Variants in RYR2 observed in about 807,000 individuals in gnomAD.
RYR2 encodes cardiac muscle ryanodine receptor-calcium release channel.
Under a neutral mutation model 601.1 loss-of-function variants are expected in RYR2, and 227 were observed. The observed-to-expected ratio is 0.38, with a 90% CI of 0.34 to 0.42. The LOEUF (loss-of-function observed/expected upper bound fraction) is 0.42, where lower values mean the gene tolerates loss of function less well. Among genes scored for constraint, RYR2 ranks in the 10% least tolerant of loss-of-function variants. The pLI is 1.00. For synonymous variants in RYR2, 2,223 were observed against 2,175.1 expected, an observed-to-expected ratio of 1.02 and a Z score of -0.61; for missense variants, 4,646 against 6,156.5, an observed-to-expected ratio of 0.75 and a Z score of 8.21.
At chr1:237,763,251 A>G (rs562819434) in intron 84 of RYR2, among the ~76,000 whole-genome samples, 3 of 152,308 alleles carry the variant, frequency 2.0e-5, no homozygotes, top group South Asian at 2.1e-4. Flanking sequence ...TGTTGTGTCA[A>G]TGAATGATCC....
At chr1:237,451,028 T>C (rs745945270) in intron 14 of RYR2, among the ~76,000 whole-genome samples, 25 of 137,920 alleles carry the variant, frequency 1.8e-4, no homozygotes, top group Non-Finnish European at 3.9e-4. Flanking sequence ...TATCCAGTAA[T>C]CATGTTTCTA....
chr1:237,658,338 A>T (rs2148833375), intron 54 of RYR2, among the ~76,000 whole-genome samples: 1 of 152,190 alleles, frequency 6.6e-6, no homozygotes. Flanking sequence ...CTTCAGGAGG[A>T]AATGATGACT....
At chr1:237,746,061 C>A (rs115649793) in intron 80 of RYR2, among the ~76,000 whole-genome samples, 5,600 of 152,040 alleles carry the variant, frequency 0.037, 340 homozygotes, top group African/African-American at 0.13. Context: ...ATAATTAATT[C>A]CCTATAAAGA....
intron 1 of RYR2, among the ~76,000 whole-genome samples, chr1:237,072,960 A>C (rs1481226751): frequency 2.0e-5 from 3 of 151,210 alleles, no homozygotes; most frequent in South Asian, 4.3e-4. Context: ...AAAAAAAAAA[A>C]AAAACAAAAA....
intron 1 of RYR2, among the ~76,000 whole-genome samples, chr1:237,073,695 C>A (rs12023598): frequency 6.6e-6 from 1 of 151,876 alleles, no homozygotes; most frequent in African/African-American, 2.4e-5. Context: ...CATGGCAAAA[C>A]CCCGTCTTCA....
chr1:237,789,400 A>G (rs188858602), intron 92 of RYR2, among the ~76,000 whole-genome samples: 98 of 152,326 alleles, frequency 6.4e-4, no homozygotes, highest in South Asian at 1.4e-3. Context: ...TTCCTAAACC[A>G]TCTTGTATTT....
intron 79 of RYR2, among the ~76,000 whole-genome samples, chr1:237,736,727 A>G (rs894367751): frequency 2.0e-5 from 3 of 152,190 alleles, no homozygotes; most frequent in Non-Finnish European, 4.4e-5. Flanking sequence ...CACATGGGCT[A>G]GAAATTAAAA....
chr1:237,192,463 C>T (rs1054199690), intron 1 of RYR2, among the ~76,000 whole-genome samples: 13 of 152,356 alleles, frequency 8.5e-5, no homozygotes, highest in Admixed American at 8.5e-4. Context: ...GATCCACCGG[C>T]CTCGGCCTCC....
chr1:237,408,527 C>T (rs745403291), intron 10 of RYR2, among the ~76,000 whole-genome samples: 1 of 151,738 alleles, frequency 6.6e-6, no homozygotes, highest in Non-Finnish European at 1.5e-5. Flanking sequence ...TATTCTGTTC[C>T]ACTGACCTGT....
intron 101 of RYR2, among the ~76,000 whole-genome samples, chr1:237,820,472 G>T (rs1662354578): frequency 2.6e-5 from 4 of 152,136 alleles, no homozygotes; most frequent in Non-Finnish European, 4.4e-5. Flanking sequence ...ACTGTACCAG[G>T]AGGAATTGTG....
At chr1:237,790,668 T>G (rs1376464776) in intron 92 of RYR2, among the ~76,000 whole-genome samples, 1 of 152,172 alleles carries the variant, frequency 6.6e-6, no homozygotes, top group Non-Finnish European at 1.5e-5. Context: ...CAAAGCACAC[T>G]TAAGAGTTAA....
rs113145746 is a variant in RYR2 at position 237,211,679 on chromosome 1, C to A, written c.49-58818C>A. Among the ~76,000 whole-genome samples, 1,029 of 152,310 alleles carry A rather than the reference C, an allele frequency of 6.8e-3. 16 individuals are homozygous for A. Among genetic ancestry groups the A allele is most frequent in the African/African-American group, 0.024 (979 of 41,576 alleles). On this transcript the variant is annotated intron_variant, in intron 1 of 104. Transcript: ENST00000366574. ...TATCATTTATCCATTTGACAGTTCT[C>A]TGAACCATGATTGCCCCAGTTTAAA... is the stretch of plus-strand genomic sequence containing the variant.
At chr1:237,756,005 A>G (rs1267336396) in intron 80 of RYR2, among the ~76,000 whole-genome samples, 1 of 152,200 alleles carries the variant, frequency 6.6e-6, no homozygotes, top group African/African-American at 2.4e-5. Context: ...AGTACTTCAA[A>G]ACTGTGATAC....
chr1:237,042,779 G>T (rs1294086653), intron 1 of RYR2, among the ~76,000 whole-genome samples: 1 of 152,172 alleles, frequency 6.6e-6, no homozygotes, highest in Non-Finnish European at 1.5e-5. Context: ...CTGTGCGCGC[G>T]TGTGGAAAGC....
intron 1 of RYR2, among the ~76,000 whole-genome samples, chr1:237,246,704 T>C (rs113460604): frequency 1.1e-3 from 165 of 152,358 alleles, no homozygotes; most frequent in African/African-American, 3.8e-3. Context: ...CTTTTACTTA[T>C]TTTAAAAGTA....
chr1:237,404,030 G>A (rs1262763469), intron 10 of RYR2, among the ~76,000 whole-genome samples: 1 of 152,196 alleles, frequency 6.6e-6, no homozygotes, highest in African/African-American at 2.4e-5. Context: ...CAGGTGGGTG[G>A]ATTGCTCCAG....
chr1:237,666,645 A>T, intron 57 of RYR2, 56 bp downstream of exon 57: 1 of 1,345,628 alleles, frequency 7.4e-7, no homozygotes, highest in Non-Finnish European at 1.0e-6. Context: ...AAGAAGCATA[A>T]TGTAATGCTT....
chr1:237,486,585 C>G (rs1011735610), intron 17 of RYR2, among the ~76,000 whole-genome samples: 1 of 152,136 alleles, frequency 6.6e-6, no homozygotes, highest in African/African-American at 2.4e-5. Context: ...GGAAAGGCAG[C>G]TAATGTTACT....
chr1:237,545,516 G>T (rs532645746), intron 25 of RYR2, among the ~76,000 whole-genome samples: 1 of 152,310 alleles, frequency 6.6e-6, no homozygotes, highest in East Asian at 1.9e-4. Context: ...TGCTAGATGG[G>T]ATCAAGGCTG....
Sources: allele counts gnomAD v4.1 joint callset (sites outside exome capture counted in the v4.1 genomes callset), GRCh38; gene constraint gnomAD v4.1.1; transcripts MANE v1.5; gene names NCBI Gene and HGNC (gene_info 2026-07-23, HGNC 2026-07-21).